DPP10: variants seen among roughly 807,000 people sequenced by gnomAD.
DPP10 encodes inactive dipeptidyl peptidase 10.
In DPP10, 33 loss-of-function variants were observed where a neutral mutation model predicts 120.9. The observed-to-expected ratio is 0.27, with a 90% CI of 0.21 to 0.37. DPP10 has a LOEUF of 0.37. Ranked by LOEUF, DPP10 falls within the 10% of genes least tolerant of loss-of-function variation. DPP10 has a pLI of 1.00. For synonymous variants in DPP10, 337 were observed against 326.1 expected (o/e 1.03, Z -0.36); for missense variants, 816 against 942.8 (o/e 0.87, Z 1.76).
At chr2:114,771,638 C>T (rs1681262590) in intron 1 of DPP10, among the ~76,000 whole-genome samples, 1 of 152,184 alleles carries the variant, frequency 6.6e-6, no homozygotes, top group Admixed American at 6.5e-5. Context: ...AAGGAGGCTC[C>T]GTCTTAGCCG....
intron 8 of DPP10, among the ~76,000 whole-genome samples, chr2:115,734,037 T>G (rs916029402): frequency 6.6e-6 from 1 of 152,228 alleles, no homozygotes; most frequent in Non-Finnish European, 1.5e-5. Context: ...AAATGCATAT[T>G]AAAGATTATT....
In DPP10 at chr2:114,967,104, GTAA is replaced by G. The variant is rs202202010; in HGVS notation, c.61-342132_61-342130del. 5.8e-3 allele frequency among the ~76,000 whole-genome samples: 878 copies of G among 152,214 alleles called. 3 individuals are homozygous for G. Among genetic ancestry groups the G allele is most frequent in the South Asian group, 0.011 (54 of 4,820 alleles). On this transcript the variant is annotated intron_variant, in intron 1 of 25. Coordinates refer to ENST00000410059, the MANE Select transcript of DPP10 (RefSeq NM_020868.6). ...AGAGAAAGTGGAGACAGCAGGGTCA[GTAA>G]TATTTTCAATGAGTTTTGCTACCAA... is the stretch of plus-strand genomic sequence containing the variant.
rs1488988390 is a variant in DPP10 at position 114,947,381 on chromosome 2, G to A, written c.61-361858G>A. On this transcript the variant is annotated intron_variant, in intron 1 of 25. Transcript: ENST00000410059. ...ATTTTTTCCATCGATGAATCTCTTGGTGTTTTTTTTTTAATTGATCATTTA... is the reference window on the plus strand; with the variant it reads ...ATTTTTTCCATCGATGAATCTCTTGATGTTTTTTTTTTAATTGATCATTTA... Among the ~76,000 whole-genome samples the A allele has an allele frequency of 2.0e-5, 3 of 148,932 alleles. No homozygotes were observed. The East Asian group carries it at 5.9e-4, about 29-fold the overall frequency.
At chr2:115,764,824 G>A (rs1050898650) in intron 12 of DPP10, among the ~76,000 whole-genome samples, 4 of 152,010 alleles carry the variant, frequency 2.6e-5, no homozygotes, top group Non-Finnish European at 4.4e-5. Context: ...TAATGTATGA[G>A]CATGGTAGCA....
intron 1 of DPP10, among the ~76,000 whole-genome samples, chr2:115,022,368 G>A (rs1703139823): frequency 1.3e-5 from 2 of 152,064 alleles, no homozygotes; most frequent in East Asian, 1.9e-4. Context: ...CACACCAACA[G>A]CAACCAAGCT....
intron 1 of DPP10, among the ~76,000 whole-genome samples, chr2:115,094,787 C>A (rs1358771415): frequency 6.6e-6 from 1 of 152,140 alleles, no homozygotes; most frequent in Non-Finnish European, 1.5e-5. Context: ...TACCAGAGTT[C>A]TGCAAGCATT....
intron 1 of DPP10, among the ~76,000 whole-genome samples, chr2:115,100,362 T>C (rs2048622746): frequency 6.6e-6 from 1 of 152,160 alleles, no homozygotes; most frequent in African/African-American, 2.4e-5. Context: ...GGTGGGAGGA[T>C]TGCTTGAACC....
intron 1 of DPP10, among the ~76,000 whole-genome samples, chr2:114,846,867 C>G (rs1226336901): frequency 1.3e-5 from 2 of 152,142 alleles, no homozygotes; most frequent in African/African-American, 4.8e-5. Context: ...ACTATACAAT[C>G]AGATATTTGG....
At chr2:114,572,925 T>G (rs150367196) in intron 1 of DPP10, among the ~76,000 whole-genome samples, 151 of 152,300 alleles carry the variant, frequency 9.9e-4, no homozygotes, top group African/African-American at 3.5e-3. Flanking sequence ...AACACAGGCG[T>G]GGAACCTATA....
chr2:115,379,118 G>T (rs1195128688), intron 3 of DPP10, among the ~76,000 whole-genome samples: 1 of 152,168 alleles, frequency 6.6e-6, no homozygotes, highest in Non-Finnish European at 1.5e-5. Context: ...AATAGTTTCA[G>T]AAGGAATGGT....
intron 1 of DPP10, among the ~76,000 whole-genome samples, chr2:114,681,836 A>C (rs560081326): frequency 2.0e-4 from 31 of 152,022 alleles, no homozygotes; most frequent in Non-Finnish European, 3.8e-4. Flanking sequence ...TTATGTTTCT[A>C]TCATAATCCA....
At chr2:114,791,804 G>T (rs1574198380) in intron 1 of DPP10, among the ~76,000 whole-genome samples, 1 of 152,084 alleles carries the variant, frequency 6.6e-6, no homozygotes, top group African/African-American at 2.4e-5. Context: ...CATAGGAGGT[G>T]GGCATATTTA....
At chr2:114,697,897 A>G (rs1485834390) in intron 1 of DPP10, among the ~76,000 whole-genome samples, 2 of 152,078 alleles carry the variant, frequency 1.3e-5, no homozygotes, top group African/African-American at 4.8e-5. Context: ...CCTCTCTGAA[A>G]TATCCTTCTT....
chr2:115,480,432 A>G (rs1057224258), intron 3 of DPP10, among the ~76,000 whole-genome samples: 2 of 152,098 alleles, frequency 1.3e-5, no homozygotes, highest in African/African-American at 4.8e-5. Context: ...TCCTAGGGAC[A>G]TGGTAAACAC....
chr2:115,596,704 A>G (rs777491724), intron 5 of DPP10, among the ~76,000 whole-genome samples: 8 of 152,194 alleles, frequency 5.3e-5, no homozygotes, highest in Non-Finnish European at 1.2e-4. Flanking sequence ...TAAATATTGT[A>G]TCATCATCTG....
chr2:115,091,585 G>T (rs1709264499), intron 1 of DPP10, among the ~76,000 whole-genome samples: 1 of 152,104 alleles, frequency 6.6e-6, no homozygotes, highest in South Asian at 2.1e-4. Context: ...AGGGAAAAAA[G>T]TAGAAGAAAA....
intron 7 of DPP10, among the ~76,000 whole-genome samples, chr2:115,699,925 G>T (rs2091810869): frequency 6.6e-6 from 1 of 152,154 alleles, no homozygotes; most frequent in Non-Finnish European, 1.5e-5. Context: ...TCGCTATAAA[G>T]AAATATCTGA....
At chr2:114,829,534 ATT>A (rs539035964) in intron 1 of DPP10, among the ~76,000 whole-genome samples, 1 of 138,442 alleles carries the variant, frequency 7.2e-6, no homozygotes, top group African/African-American at 2.7e-5. Context: ...CACTCAGCTA[ATT>A]TTTTTTTTTT....
chr2:115,164,791 C>G (rs536574417), intron 1 of DPP10, among the ~76,000 whole-genome samples: 1 of 152,266 alleles, frequency 6.6e-6, no homozygotes, highest in East Asian at 1.9e-4. Flanking sequence ...TGTTAGTGTC[C>G]TCTGGCACAG....
Sources: gnomAD v4.1 joint callset for allele counts (sites outside exome capture counted in the v4.1 genomes callset) on GRCh38, gnomAD v4.1.1 for gene constraint, MANE v1.5 for transcripts, NCBI Gene and HGNC (gene_info 2026-07-23, HGNC 2026-07-21) for gene names.